BMPR1A: variants seen among roughly 807,000 people sequenced by gnomAD.
BMPR1A encodes the protein bone morphogenetic protein receptor type 1A, also known as bone morphogenetic protein receptor type-1A.
BMPR1A carries 7 observed loss-of-function variants against 66.0 expected under a neutral mutation model. The ratio of observed to expected loss-of-function variants is 0.11; its 90% CI spans 0.06 to 0.20. The LOEUF is 0.20. BMPR1A is among the 10% of genes least tolerant of loss of function. The pLI, the probability that BMPR1A is intolerant of heterozygous loss-of-function variation, is 1.00. For synonymous variants in BMPR1A, 200 were observed against 229.7 expected, an observed-to-expected ratio of 0.87 and a Z score of 1.17; for missense variants, 408 against 669.1, an observed-to-expected ratio of 0.61 and a Z score of 4.31.
chr10:86,896,813 T>C (rs1036717341), intron 5 of BMPR1A, among the ~76,000 whole-genome samples: 2 of 152,172 alleles, frequency 1.3e-5, no homozygotes, highest in Admixed American at 1.3e-4. Flanking sequence ...ACCTGAAAAA[T>C]ACGTGAAGGA....
intron 2 of BMPR1A, among the ~76,000 whole-genome samples, chr10:86,848,148 GTCTTGAACTCCCGA>G: frequency 6.6e-6 from 1 of 152,030 alleles, no homozygotes; most frequent in Non-Finnish European, 1.5e-5. Context: ...GGTCAGGCTG[GTCTTGAACTCCCGA>G]CCTCAAGGCC....
intron 1 of BMPR1A, among the ~76,000 whole-genome samples, chr10:86,809,684 C>G (rs1414816760): frequency 6.7e-6 from 1 of 149,226 alleles, no homozygotes; most frequent in Non-Finnish European, 1.5e-5. Flanking sequence ...CTCAAGCGAT[C>G]CTCTCCCCTC....
At chr10:86,853,318 T>C (rs1301582727) in intron 2 of BMPR1A, among the ~76,000 whole-genome samples, 1 of 151,554 alleles carries the variant, frequency 6.6e-6, no homozygotes, top group African/African-American at 2.4e-5. Flanking sequence ...AACAGGCCTC[T>C]TCAGAGACTT....
intron 1 of BMPR1A, among the ~76,000 whole-genome samples, chr10:86,758,032 CTT>C (rs1847906876): frequency 6.6e-6 from 1 of 152,192 alleles, no homozygotes; most frequent in Admixed American, 6.5e-5. Context: ...TAGAGTGTAA[CTT>C]AATGCGTCTC....
chr10:86,891,050 T>G (rs1843143103), intron 4 of BMPR1A, among the ~76,000 whole-genome samples: 1 of 152,226 alleles, frequency 6.6e-6, no homozygotes, highest in Admixed American at 6.5e-5. Context: ...TGTTTTATAC[T>G]TTTAATAATT....
intron 1 of BMPR1A, among the ~76,000 whole-genome samples, chr10:86,833,601 C>T (rs149826574): frequency 1.3e-5 from 2 of 152,050 alleles, no homozygotes; most frequent in East Asian, 1.9e-4. Flanking sequence ...AAGTGACTGC[C>T]GGTACATAAA....
At chr10:86,787,619 T>C (rs1413934412) in intron 1 of BMPR1A, among the ~76,000 whole-genome samples, 1 of 152,232 alleles carries the variant, frequency 6.6e-6, no homozygotes, top group African/African-American at 2.4e-5. Context: ...GGTCAGTGTA[T>C]TAGTCGATTC....
intron 2 of BMPR1A, among the ~76,000 whole-genome samples, chr10:86,843,044 T>C (rs1842445454): frequency 6.6e-6 from 1 of 152,086 alleles, no homozygotes; most frequent in African/African-American, 2.4e-5. Context: ...AAACTAAAAC[T>C]AGAGAGACAA....
intron 1 of BMPR1A, among the ~76,000 whole-genome samples, chr10:86,765,846 T>G (rs1841152979): frequency 6.6e-6 from 1 of 151,990 alleles, no homozygotes; most frequent in African/African-American, 2.4e-5. Flanking sequence ...CTAGAAAAAA[T>G]TTTCTTTTCT....
chr10:86,827,519 G>A (rs951730904), intron 1 of BMPR1A, among the ~76,000 whole-genome samples: 1 of 152,098 alleles, frequency 6.6e-6, no homozygotes, highest in Non-Finnish European at 1.5e-5. Context: ...GTGGCTCATG[G>A]TAGCTAAGTA....
At chr10:86,862,078 C>T (rs1286790438) in intron 2 of BMPR1A, among the ~76,000 whole-genome samples, 1 of 152,138 alleles carries the variant, frequency 6.6e-6, no homozygotes, top group East Asian at 1.9e-4. Context: ...ACAGACTAAC[C>T]CTCCTGGCCT....
chr10:86,904,825 C>CT (rs769768065), intron 7 of BMPR1A, among the ~76,000 whole-genome samples: 1 of 152,150 alleles, frequency 6.6e-6, no homozygotes, highest in Non-Finnish European at 1.5e-5. Context: ...GTCATGTAGG[C>CT]TTTTTTATAG....
chr10:86,885,463 G>T (rs1843056321), intron 3 of BMPR1A, among the ~76,000 whole-genome samples: 1 of 152,198 alleles, frequency 6.6e-6, no homozygotes, highest in South Asian at 2.1e-4. Context: ...CTAGCCAAAT[G>T]TGGCTTTTGA....
At chr10:86,761,062 C>T (rs1033984310) in intron 1 of BMPR1A, among the ~76,000 whole-genome samples, 2 of 152,110 alleles carry the variant, frequency 1.3e-5, no homozygotes, top group Non-Finnish European at 2.9e-5. Flanking sequence ...CTAATCAAAG[C>T]TCTTGGATGT....
chr10:86,879,700 C>A (rs1380717044), intron 3 of BMPR1A, among the ~76,000 whole-genome samples: 1 of 152,198 alleles, frequency 6.6e-6, no homozygotes, highest in African/African-American at 2.4e-5. Flanking sequence ...TCCAGGACTT[C>A]TGGCTGGTGG....
At chr10:86,836,316 C>T (rs1842346555) in intron 1 of BMPR1A, among the ~76,000 whole-genome samples, 1 of 141,054 alleles carries the variant, frequency 7.1e-6, no homozygotes, top group Non-Finnish European at 1.5e-5. Flanking sequence ...CCTTTATTCA[C>T]ACAACTTCCA....
At chr10:86,895,755 C>A (rs1399060035) in intron 5 of BMPR1A, among the ~76,000 whole-genome samples, 1 of 152,118 alleles carries the variant, frequency 6.6e-6, no homozygotes, top group Non-Finnish European at 1.5e-5. Context: ...TGGCCAGGTG[C>A]AGTGGCTCAT....
chr10:86,896,882 CT>C (rs1373152200), intron 5 of BMPR1A, among the ~76,000 whole-genome samples: 1 of 152,178 alleles, frequency 6.6e-6, no homozygotes, highest in African/African-American at 2.4e-5. Context: ...ACTTATCTAA[CT>C]TTCTGTATTT....
chr10:86,872,333 A>G (rs1306584404), intron 2 of BMPR1A, among the ~76,000 whole-genome samples: 1 of 152,204 alleles, frequency 6.6e-6, no homozygotes, highest in Non-Finnish European at 1.5e-5. Flanking sequence ...ATGTGTATTT[A>G]CATTATATAA....
Sources: allele counts gnomAD v4.1 joint callset (sites outside exome capture counted in the v4.1 genomes callset), GRCh38; gene constraint gnomAD v4.1.1; transcripts MANE v1.5; gene names NCBI Gene and HGNC (gene_info 2026-07-23, HGNC 2026-07-21).